C10orf67: variants seen among roughly 807,000 people sequenced by gnomAD.
C10orf67 encodes the protein chromosome 10 open reading frame 67.
In C10orf67, 60 loss-of-function variants were observed where a neutral mutation model predicts 35.6. The ratio of observed to expected loss-of-function variants is 1.68; its 90% CI spans 1.37 to 2.09. C10orf67 has a LOEUF of 2.09. Among genes scored for constraint, C10orf67 ranks in the 30% most tolerant of loss-of-function variants. The pLI is 0.00. For missense variants in C10orf67, 474 were observed against 330.2 expected, an observed-to-expected ratio of 1.44 and a Z score of -3.38; for synonymous variants, 167 against 115.8, an observed-to-expected ratio of 1.44 and a Z score of -2.84.
intron 2 of C10orf67, among the ~76,000 whole-genome samples, chr10:23,331,187 A>AGGAACCGAGAC (rs1845442384): frequency 7.7e-5 from 2 of 25,858 alleles, no homozygotes; most frequent in Admixed American, 5.1e-4. Context: ...GGGGAAGGGA[A>AGGAACCGAGAC]GGGAAGGGAA....
intron 13 of C10orf67, 74 bp downstream of exon 13, chr10:23,239,655 T>A (rs1365363768): frequency 1.7e-6 from 1 of 591,718 alleles, no homozygotes; most frequent in Non-Finnish European, 3.3e-6. Context: ...TTGATAAACC[T>A]TAAACGAGAA....
intron 4 of C10orf67, among the ~76,000 whole-genome samples, chr10:23,306,607 G>A (rs1381735938): frequency 6.6e-6 from 1 of 151,654 alleles, no homozygotes; most frequent in African/African-American, 2.4e-5. Flanking sequence ...GTTGGTCGAA[G>A]GGTATAAACT....
chr10:23,253,971 C>T (rs1842534815), intron 10 of C10orf67, among the ~76,000 whole-genome samples: 1 of 152,192 alleles, frequency 6.6e-6, no homozygotes, highest in Admixed American at 6.5e-5. Flanking sequence ...TGAATCCTGG[C>T]TCTGTCCACA....
chr10:23,294,919 A>T (rs147950276), intron 5 of C10orf67, among the ~76,000 whole-genome samples: 2 of 152,226 alleles, frequency 1.3e-5, no homozygotes, highest in Non-Finnish European at 2.9e-5. Context: ...GTTTGTTCTT[A>T]GAGAATGTAG....
At chr10:23,249,579 G>A in intron 12 of C10orf67, among the ~76,000 whole-genome samples, 1 of 152,150 alleles carries the variant, frequency 6.6e-6, no homozygotes, top group East Asian at 1.9e-4. Flanking sequence ...TTGTGCCACC[G>A]CACTTAGGAT....
chr10:23,311,901 A>T (rs1844515549), intron 4 of C10orf67, among the ~76,000 whole-genome samples: 1 of 152,222 alleles, frequency 6.6e-6, no homozygotes, highest in Non-Finnish European at 1.5e-5. Context: ...AAACTAGGGA[A>T]TAATTACTCT....
intron 1 of C10orf67, among the ~76,000 whole-genome samples, chr10:23,343,708 A>G (rs1399558052): frequency 3.3e-5 from 5 of 152,222 alleles, no homozygotes; most frequent in Admixed American, 3.3e-4. Context: ...CTGGCTCCAG[A>G]GTCCGTGCTC....
chr10:23,317,624 T>C (rs1173555758), intron 4 of C10orf67: 4 of 152,172 alleles, frequency 2.6e-5, no homozygotes, highest in Non-Finnish European at 5.9e-5. Context: ...AAAATATTTA[T>C]TCTCAGTTGC....
chr10:23,315,942 C>G (rs916658593), intron 4 of C10orf67, among the ~76,000 whole-genome samples: 4 of 152,188 alleles, frequency 2.6e-5, no homozygotes, highest in African/African-American at 9.7e-5. Context: ...CCTCAGCCTC[C>G]TCAGTAGGTA....
chr10:23,344,288 G>A (rs1326839507), intron 1 of C10orf67: 5 of 478,050 alleles, frequency 1.0e-5, no homozygotes, highest in Non-Finnish European at 1.9e-5. Context: ...GGGAAGGAGT[G>A]GGGGAAGGGG....
intron 2 of C10orf67, among the ~76,000 whole-genome samples, chr10:23,327,901 T>C (rs1845259545): frequency 6.6e-6 from 1 of 151,682 alleles, no homozygotes. Flanking sequence ...TCAACACAAA[T>C]TGCAACAAAC....
intron 1 of C10orf67, among the ~76,000 whole-genome samples, chr10:23,336,159 G>A (rs1845672966): frequency 6.6e-6 from 1 of 152,134 alleles, no homozygotes; most frequent in South Asian, 2.1e-4. Context: ...TGGATACATT[G>A]AATGAGTAAG....
At chr10:23,277,895 C>T (rs1588643684) in intron 8 of C10orf67, among the ~76,000 whole-genome samples, 1 of 152,080 alleles carries the variant, frequency 6.6e-6, no homozygotes, top group East Asian at 1.9e-4. Flanking sequence ...AGCACAGGGG[C>T]TTCTGCTGCT....
chr10:23,287,781 A>G (rs1018573414), intron 7 of C10orf67, among the ~76,000 whole-genome samples: 3 of 152,202 alleles, frequency 2.0e-5, no homozygotes, highest in African/African-American at 4.8e-5. Flanking sequence ...CAAGAAAAAA[A>G]CAAACAACCC....
chr10:23,299,316 G>A (rs1277943551), intron 5 of C10orf67, among the ~76,000 whole-genome samples: 1 of 152,062 alleles, frequency 6.6e-6, no homozygotes, highest in Non-Finnish European at 1.5e-5. Flanking sequence ...GGGTCTAAGG[G>A]GGTACTGCCT....
chr10:23,223,958 G>GAAA, intron 13 of C10orf67, 140 bp from the exon 14 acceptor site: 1 of 619,288 alleles, frequency 1.6e-6, no homozygotes, highest in South Asian at 2.0e-5. Context: ...TATGGCTGCG[G>GAAA]AAATCCTTTT....
intron 5 of C10orf67, among the ~76,000 whole-genome samples, chr10:23,291,506 T>G (rs1259423337): frequency 6.6e-6 from 1 of 152,200 alleles, no homozygotes; most frequent in Non-Finnish European, 1.5e-5. Context: ...TTGACAGGAA[T>G]AATGCATATC....
chr10:23,294,012 A>G (rs1843802541), intron 5 of C10orf67, among the ~76,000 whole-genome samples: 1 of 152,194 alleles, frequency 6.6e-6, no homozygotes, highest in Non-Finnish European at 1.5e-5. Context: ...GCTTCAGAGC[A>G]CTTTCTGTGC....
At chr10:23,235,411 G>A (rs963022603) in intron 13 of C10orf67, among the ~76,000 whole-genome samples, 2 of 152,104 alleles carry the variant, frequency 1.3e-5, no homozygotes, top group Non-Finnish European at 2.9e-5. Context: ...GGAAAAAAAT[G>A]TTTGTAATAC....
Sources: gnomAD v4.1 joint callset for allele counts (sites outside exome capture counted in the v4.1 genomes callset) on GRCh38, gnomAD v4.1.1 for gene constraint, MANE v1.5 for transcripts, NCBI Gene and HGNC (gene_info 2026-07-23, HGNC 2026-07-21) for gene names.